Variants in STARD13 observed in about 807,000 individuals in gnomAD.
STARD13 encodes stAR-related lipid transfer protein 13.
In STARD13, 62 loss-of-function variants were observed where a neutral mutation model predicts 106.4. The ratio of observed to expected loss-of-function variants is 0.58; its 90% confidence interval spans 0.48 to 0.72. STARD13 has a LOEUF of 0.72. STARD13 is among the 30% of genes least tolerant of loss of function. The probability of loss-of-function intolerance (pLI) is 0.00; values close to 1 mark genes in which losing one functional copy is unlikely to be tolerated. For missense variants in STARD13, 1,387 were observed against 1,424.0 expected (o/e 0.97, Z 0.42); for synonymous variants, 565 against 553.0 (o/e 1.02, Z -0.31).
the STARD13 span, among the ~76,000 whole-genome samples, chr13:33,670,448 A>C: frequency 6.6e-6 from 1 of 152,198 alleles, no homozygotes; most frequent in Non-Finnish European, 1.5e-5. Context: ...TAAAATCCTA[A>C]AGTCTTATTT....
intron 1 of STARD13, among the ~76,000 whole-genome samples, chr13:33,238,847 T>TAA (rs932133463): frequency 2.6e-5 from 4 of 152,058 alleles, no homozygotes; most frequent in African/African-American, 9.7e-5. Context: ...TTTATTGTGG[T>TAA]AAAAAAACAC....
chr13:33,153,929 A>C (rs1441357267), intron 3 of STARD13, among the ~76,000 whole-genome samples: 1 of 152,144 alleles, frequency 6.6e-6, no homozygotes, highest in Non-Finnish European at 1.5e-5. Flanking sequence ...CAGGAACCTA[A>C]GTCACTGAGG....
At chr13:33,188,268 A>C (rs1885951802) in intron 1 of STARD13, 1 of 152,202 alleles carries the variant, frequency 6.6e-6, no homozygotes, top group Non-Finnish European at 1.5e-5. Flanking sequence ...GTGAGTAGGA[A>C]ACAAACATTT....
intron 1 of STARD13, chr13:33,186,078 C>T (rs189773632): frequency 4.1e-5 from 65 of 1,598,614 alleles, no homozygotes; most frequent in Non-Finnish European, 4.6e-5. Context: ...CTCATGTTTC[C>T]GGTTGCTAAC....
intron 1 of STARD13, among the ~76,000 whole-genome samples, chr13:33,227,930 AAG>A (rs1235346153): frequency 6.6e-6 from 1 of 152,252 alleles, no homozygotes; most frequent in Non-Finnish European, 1.5e-5. Context: ...CATCAGAAGA[AAG>A]AGACAGGCCC....
the STARD13 span, among the ~76,000 whole-genome samples, chr13:33,559,692 C>T: frequency 6.6e-6 from 1 of 151,436 alleles, no homozygotes; most frequent in Non-Finnish European, 1.5e-5. Flanking sequence ...CCCATCTCTA[C>T]TAAAAATACA....
chr13:33,269,526 C>T lies in STARD13; in HGVS notation c.169+15944G>A, dbSNP rs910178083. Among the ~76,000 whole-genome samples, 4 of 152,186 alleles carry T rather than the reference C, an allele frequency of 2.6e-5. No individual in the cohort carries two copies. The East Asian group carries it at 7.7e-4, about 29-fold the overall frequency. On this transcript the variant is annotated intron_variant, in intron 1 of 13. Transcript: ENST00000336934. ...TCCAGCTAGACACCCACACCAGGCT[C>T]TTCTGCCTAGGAATAGCCAGCCACA...
intron 1 of STARD13, among the ~76,000 whole-genome samples, chr13:33,340,364 G>A (rs539143563): frequency 6.6e-5 from 10 of 151,430 alleles, no homozygotes; most frequent in Admixed American, 3.3e-4. Flanking sequence ...GTGACACCAT[G>A]TTCAGCTAAT....
At chr13:33,462,331 C>T in the STARD13 span, among the ~76,000 whole-genome samples, 7 of 152,352 alleles carry the variant, frequency 4.6e-5, no homozygotes, top group African/African-American at 1.7e-4. Flanking sequence ...GTACCATTCA[C>T]TTACCCTTTA....
At chr13:33,266,497 A>C (rs1470460042) in intron 1 of STARD13, among the ~76,000 whole-genome samples, 1 of 152,178 alleles carries the variant, frequency 6.6e-6, no homozygotes, top group Admixed American at 6.5e-5. Flanking sequence ...TCTGGCCTCA[A>C]ACTTTTTTGC....
the STARD13 span, among the ~76,000 whole-genome samples, chr13:33,406,567 G>T: frequency 3.9e-5 from 6 of 152,166 alleles, no homozygotes; most frequent in African/African-American, 1.4e-4. Context: ...ATTGTTTAAT[G>T]TTGAACTCAT....
the STARD13 span, among the ~76,000 whole-genome samples, chr13:33,534,274 A>C: frequency 6.6e-6 from 1 of 152,234 alleles, no homozygotes; most frequent in African/African-American, 2.4e-5. Context: ...TTGAGTTATC[A>C]GACTTTTAGA....
intron 1 of STARD13, among the ~76,000 whole-genome samples, chr13:33,199,365 T>C (rs1886854643): frequency 1.3e-5 from 2 of 152,216 alleles, no homozygotes; most frequent in Admixed American, 6.5e-5. Flanking sequence ...GCTCAATAAA[T>C]GTTTGTTGGC....
chr13:33,447,877 T>C, the STARD13 span, among the ~76,000 whole-genome samples: 1 of 152,054 alleles, frequency 6.6e-6, no homozygotes, highest in Non-Finnish European at 1.5e-5. Flanking sequence ...ATAAACACCA[T>C]TAGAAAGCAA....
In STARD13 at chr13:33,105,103, G is replaced by T; in HGVS notation, c.*490C>A. ...TGCACAGCTTACAGGACAGTGGAGA[G>T]ATGGGGCCCAGAGCCACTTGGAAAG... is the stretch of plus-strand genomic sequence containing the variant. On this transcript the variant is annotated 3_prime_UTR_variant, in exon 14 of 14. Transcript: ENST00000336934. The T allele has an allele frequency of 6.4e-6, 1 of 155,750 alleles. No individual in the cohort carries two copies. The highest frequency in any genetic ancestry group is 1.4e-5 in the Non-Finnish European group (1 of 69,888). The allele number at this position is 155,750 out of a possible 1,614,324, so 9.6% of individuals were successfully genotyped here. A position where few individuals can be genotyped will look rare whatever the true frequency, so the allele number is the denominator to read the frequency against.
At chr13:33,275,954 A>T (rs1021439942) in intron 1 of STARD13, 5 of 152,190 alleles carry the variant, frequency 3.3e-5, no homozygotes, top group African/African-American at 1.2e-4. Flanking sequence ...TAAAAATTCC[A>T]CTCAGTATTG....
At chr13:33,614,739 A>G in the STARD13 span, among the ~76,000 whole-genome samples, 1 of 152,148 alleles carries the variant, frequency 6.6e-6, no homozygotes, top group Non-Finnish European at 1.5e-5. Flanking sequence ...GATCTGGGGG[A>G]CATACATTTC....
the STARD13 span, among the ~76,000 whole-genome samples, chr13:33,391,245 C>T: frequency 6.6e-6 from 1 of 152,074 alleles, no homozygotes; most frequent in Non-Finnish European, 1.5e-5. Flanking sequence ...GCAGAGCCAA[C>T]GATATTGACA....
At chr13:33,583,593 T>C in the STARD13 span, among the ~76,000 whole-genome samples, 8 of 152,204 alleles carry the variant, frequency 5.3e-5, no homozygotes, top group Non-Finnish European at 8.8e-5. Context: ...TCTTAAGTTA[T>C]TACCTTGGTC....
Sources: allele counts gnomAD v4.1 joint callset (sites outside exome capture counted in the v4.1 genomes callset), GRCh38; gene constraint gnomAD v4.1.1; transcripts MANE v1.5; gene names NCBI Gene and HGNC (gene_info 2026-07-23, HGNC 2026-07-21).